Variants in NAALADL2 observed in about 807,000 individuals in gnomAD.
NAALADL2 encodes inactive N-acetylated-alpha-linked acidic dipeptidase-like protein 2.
A neutral mutation model predicts 87.2 loss-of-function variants in NAALADL2; 76 were observed. The ratio of observed to expected loss-of-function variants is 0.87; its 90% CI spans 0.72 to 1.05. The LOEUF (loss-of-function observed/expected upper bound fraction) is 1.05. NAALADL2 is among the 50% of genes least tolerant of loss of function. NAALADL2 has a pLI of 0.00. For missense variants in NAALADL2, 1,089 were observed against 945.8 expected (o/e 1.15, Z -1.99); for synonymous variants, 354 against 331.0 (o/e 1.07, Z -0.75).
rs867945893 is a variant in NAALADL2 at position 175,758,495 on chromosome 3, T to A, written c.2189+3077T>A. Among the ~76,000 whole-genome samples the A allele has an allele frequency of 2.6e-5, 4 of 152,000 alleles. No individual in the cohort carries two copies. The South Asian group carries it at 8.3e-4, about 31-fold the overall frequency. ...ATCGGACTCACCTTTATCTCAAAAT[T>A]GTCACGAATTTGTACTTCATTTATA... is the stretch of plus-strand genomic sequence containing the variant. On this transcript the variant is annotated intron_variant, in intron 13 of 13. Coordinates refer to ENST00000454872, the MANE Select transcript of NAALADL2 (RefSeq NM_207015.3).
chr3:174,745,549 A>G (rs1015534028), intron 3 of NAALADL2, among the ~76,000 whole-genome samples: 3 of 152,160 alleles, frequency 2.0e-5, no homozygotes, highest in African/African-American at 7.2e-5. Context: ...AACTATTCCA[A>G]ACAATTGAAT....
Position 174,769,131 on chromosome 3 carries a change from C to T in NAALADL2, c.-9+31385C>T, listed in dbSNP as rs553082735. ...GATAATTTTTTAAATGTTCCATTTTCGCTAGTCTATATTATTTCCTTTGAT... is the reference window on the plus strand; with the variant it reads ...GATAATTTTTTAAATGTTCCATTTTTGCTAGTCTATATTATTTCCTTTGAT... On this transcript the variant is annotated intron_variant, in intron 3 of 3. Coordinates refer to the NAALADL2 transcript ENST00000434257. Among the ~76,000 whole-genome samples the T allele has an allele frequency of 4.0e-5, 6 of 151,850 alleles. No homozygotes were observed. In the East Asian group the frequency reaches 1.2e-3, roughly 29 times the overall value.
intron 2 of NAALADL2, among the ~76,000 whole-genome samples, chr3:174,723,253 G>C (rs984114318): frequency 6.6e-6 from 1 of 152,054 alleles, no homozygotes; most frequent in Non-Finnish European, 1.5e-5. Flanking sequence ...GGTGAATTAA[G>C]TTAATTCACC....
At chr3:175,677,224 G>A (rs749929124) in intron 11 of NAALADL2, among the ~76,000 whole-genome samples, 2 of 152,072 alleles carry the variant, frequency 1.3e-5, no homozygotes, top group African/African-American at 2.4e-5. Context: ...TTAGCTGAGC[G>A]TGGTGGTGTG....
chr3:175,160,554 A>G (rs1238417174), intron 2 of NAALADL2, among the ~76,000 whole-genome samples: 1 of 151,058 alleles, frequency 6.6e-6, no homozygotes, highest in Non-Finnish European at 1.5e-5. Context: ...GTTTCTCCAT[A>G]CTGGTCAGGC....
At chr3:175,023,379 CAG>C (rs1479131582) in intron 1 of NAALADL2, among the ~76,000 whole-genome samples, 1 of 151,998 alleles carries the variant, frequency 6.6e-6, no homozygotes, top group African/African-American at 2.4e-5. Flanking sequence ...TTCAATAAGA[CAG>C]ATAATAGTCT....
chr3:175,741,647 A>G (rs1745252261), intron 12 of NAALADL2, among the ~76,000 whole-genome samples: 1 of 152,104 alleles, frequency 6.6e-6, no homozygotes, highest in South Asian at 2.1e-4. Context: ...TTGGGGCAGA[A>G]TTAAGAACCC....
chr3:175,353,314 C>T (rs1763988981), intron 5 of NAALADL2, among the ~76,000 whole-genome samples: 1 of 152,022 alleles, frequency 6.6e-6, no homozygotes, highest in African/African-American at 2.4e-5. Context: ...TGTGTTCAGC[C>T]TGGGCAACGT....
At chr3:175,439,900 A>G (rs1048973394) in intron 5 of NAALADL2, among the ~76,000 whole-genome samples, 5 of 151,576 alleles carry the variant, frequency 3.3e-5, no homozygotes, top group Admixed American at 1.3e-4. Flanking sequence ...ATTAAGTTCT[A>G]TCTATTTATC....
intron 9 of NAALADL2, among the ~76,000 whole-genome samples, chr3:175,484,819 A>G (rs1159192311): frequency 6.6e-6 from 1 of 152,106 alleles, no homozygotes; most frequent in Non-Finnish European, 1.5e-5. Flanking sequence ...CTTTTTTGTC[A>G]CATGGAAACA....
intron 2 of NAALADL2, among the ~76,000 whole-genome samples, chr3:174,557,386 C>CT (rs1199643007): frequency 6.6e-6 from 1 of 151,946 alleles, no homozygotes; most frequent in African/African-American, 2.4e-5. Context: ...TTTGTAAAAA[C>CT]TTTTTTAATA....
At chr3:174,651,187 T>C (rs1439531898) in intron 2 of NAALADL2, among the ~76,000 whole-genome samples, 1 of 152,202 alleles carries the variant, frequency 6.6e-6, no homozygotes, top group Admixed American at 6.5e-5. Context: ...ATGTAATCAT[T>C]GACCTCAAAA....
chr3:174,569,843 T>C (rs1315262894), intron 2 of NAALADL2, among the ~76,000 whole-genome samples: 1 of 152,088 alleles, frequency 6.6e-6, no homozygotes, highest in East Asian at 1.9e-4. Context: ...CCCTTGCTTG[T>C]TTTTGCTCAG....
At chr3:174,901,257 T>C (rs980266195) in intron 1 of NAALADL2, among the ~76,000 whole-genome samples, 1 of 152,190 alleles carries the variant, frequency 6.6e-6, no homozygotes, top group Non-Finnish European at 1.5e-5. Context: ...TTTTAGCTGA[T>C]ATAATTCTAT....
intron 1 of NAALADL2, among the ~76,000 whole-genome samples, chr3:174,935,164 T>C (rs536130544): frequency 1.5e-5 from 2 of 137,096 alleles, no homozygotes; most frequent in South Asian, 2.6e-4. Flanking sequence ...GAAAATCAAC[T>C]GCAAAAAAAA....
chr3:175,415,112 C>T (rs1330552575), intron 5 of NAALADL2, among the ~76,000 whole-genome samples: 5 of 152,046 alleles, frequency 3.3e-5, no homozygotes, highest in Non-Finnish European at 7.4e-5. Flanking sequence ...CATTTATATA[C>T]ACAGATAGTT....
chr3:175,168,104 G>C (rs1481824959), intron 2 of NAALADL2, among the ~76,000 whole-genome samples: 1 of 151,794 alleles, frequency 6.6e-6, no homozygotes, highest in Non-Finnish European at 1.5e-5. Flanking sequence ...GGGGAAACAA[G>C]GTTTTTGGGA....
chr3:175,353,236 A>T (rs1335205639), intron 5 of NAALADL2, among the ~76,000 whole-genome samples: 1 of 151,866 alleles, frequency 6.6e-6, no homozygotes, highest in Non-Finnish European at 1.5e-5. Context: ...GTTGAGTGTG[A>T]TGGCATGCAC....
chr3:174,565,180 TAACTA>T (rs1251799070), intron 2 of NAALADL2, among the ~76,000 whole-genome samples: 3 of 152,094 alleles, frequency 2.0e-5, no homozygotes, highest in Non-Finnish European at 4.4e-5. Flanking sequence ...TTATTAATCT[TAACTA>T]AAGTCTATAG....
Sources: gnomAD v4.1 joint callset for allele counts (sites outside exome capture counted in the v4.1 genomes callset) on GRCh38, gnomAD v4.1.1 for gene constraint, MANE v1.5 for transcripts, NCBI Gene and HGNC (gene_info 2026-07-23, HGNC 2026-07-21) for gene names.